CATSPER3: variants seen among roughly 807,000 people sequenced by gnomAD.
CATSPER3 encodes the protein cation channel sperm-associated protein 3.
A neutral mutation model predicts 36.6 loss-of-function variants in CATSPER3; 23 were observed. That is an observed-to-expected ratio of 0.63 (90% CI 0.45 to 0.89). The LOEUF (loss-of-function observed/expected upper bound fraction) is 0.89. Ranked by LOEUF, CATSPER3 falls within the 40% of genes least tolerant of loss-of-function variation. The probability of loss-of-function intolerance (pLI) is 0.00; values close to 1 mark genes in which losing one functional copy is unlikely to be tolerated. For missense variants in CATSPER3, 474 were observed against 503.9 expected (o/e 0.94, Z 0.57); for synonymous variants, 172 against 184.1 (o/e 0.93, Z 0.53).
At chr5:134,984,515 A>G (rs565515503) in intron 2 of CATSPER3, among the ~76,000 whole-genome samples, 20 of 152,324 alleles carry the variant, frequency 1.3e-4, no homozygotes, top group African/African-American at 4.3e-4. Flanking sequence ...CATTTGAAAA[A>G]ATGCTCCATA....
intron 2 of CATSPER3, among the ~76,000 whole-genome samples, chr5:134,988,881 C>G (rs1751846598): frequency 1.3e-5 from 2 of 152,032 alleles, no homozygotes; most frequent in Admixed American, 1.3e-4. Context: ...TTACTTTACC[C>G]AGACCCATCC....
At chr5:134,978,526 TG>T (rs1446928961) in intron 2 of CATSPER3, among the ~76,000 whole-genome samples, 2 of 152,156 alleles carry the variant, frequency 1.3e-5, no homozygotes, top group African/African-American at 4.8e-5. Flanking sequence ...ATGAGAAACT[TG>T]ATGCCTTCCT....
intron 2 of CATSPER3, among the ~76,000 whole-genome samples, chr5:134,985,860 C>T (rs1235515277): frequency 6.6e-6 from 1 of 151,834 alleles, no homozygotes; most frequent in African/African-American, 2.4e-5. Context: ...GACTGTGTCA[C>T]TGCACTCCAG....
intron 2 of CATSPER3, among the ~76,000 whole-genome samples, chr5:134,985,488 A>T (rs748665719): frequency 6.6e-6 from 1 of 152,136 alleles, no homozygotes; most frequent in Non-Finnish European, 1.5e-5. Context: ...ATTGGGTTCA[A>T]TGCACACCTA....
chr5:135,011,422 C>A, intron 7 of CATSPER3, 99 bp from the exon 8 acceptor site: 1 of 823,396 alleles, frequency 1.2e-6, no homozygotes, highest in Non-Finnish European at 2.1e-6. Context: ...TTCTTTGACC[C>A]TACACCTGTG....
chr5:135,011,405 C>A lies in CATSPER3; in HGVS notation c.1095-116C>A, dbSNP rs797018287. The A allele has an allele frequency of 5.4e-5, 42 of 776,680 alleles. No individual in the cohort carries two copies. In the African/African-American group the frequency reaches 6.5e-4, roughly 12 times the overall value. The allele number at this position is 776,680 out of a possible 1,614,324, so 48.1% of individuals were successfully genotyped here. A position where few individuals can be genotyped will look rare whatever the true frequency, so the allele number is the denominator to read the frequency against. ...CCCAGCCTCATCTGGCTCTGAAGTC[C>A]TTGCTCTTCTTTGACCCTACACCTG... On this transcript the variant is annotated intron_variant, in intron 7 of 7. Coordinates refer to ENST00000282611, the MANE Select transcript of CATSPER3 (RefSeq NM_178019.3).
chr5:135,003,347 G>T (rs1383882195), intron 3 of CATSPER3, among the ~76,000 whole-genome samples: 1 of 152,216 alleles, frequency 6.6e-6, no homozygotes, highest in Admixed American at 6.5e-5. Context: ...GCCATGTGAG[G>T]TGTCAGTCTG....
At chr5:135,006,589 C>G (rs1250640750) in intron 3 of CATSPER3, among the ~76,000 whole-genome samples, 2 of 152,198 alleles carry the variant, frequency 1.3e-5, no homozygotes, top group East Asian at 3.9e-4. Flanking sequence ...GTAATCCCAG[C>G]ACTTTGGGAG....
At chr5:135,009,973 G>A (rs1752158424) in intron 6 of CATSPER3, among the ~76,000 whole-genome samples, 1 of 152,212 alleles carries the variant, frequency 6.6e-6, no homozygotes, top group South Asian at 2.1e-4. Flanking sequence ...AGGGACCCGG[G>A]TGAATTTTCC....
chr5:134,997,447 C>G (rs1751964183), intron 3 of CATSPER3, among the ~76,000 whole-genome samples: 1 of 152,206 alleles, frequency 6.6e-6, no homozygotes, highest in Non-Finnish European at 1.5e-5. Flanking sequence ...GGCGAACCTT[C>G]TGGGGAAAGG....
At chr5:135,005,786 G>A (rs183341468) in intron 3 of CATSPER3, among the ~76,000 whole-genome samples, 6 of 123,006 alleles carry the variant, frequency 4.9e-5, no homozygotes, top group East Asian at 1.9e-4. Context: ...CATTTCAGCC[G>A]GAAGCAACCT....
intron 2 of CATSPER3, among the ~76,000 whole-genome samples, chr5:134,977,995 G>GAATGGTGCTAAACCATTCAT (rs1299690384): frequency 1.3e-5 from 2 of 152,110 alleles, no homozygotes; most frequent in East Asian, 1.9e-4. Flanking sequence ...ATCACCAATG[G>GAATGGTGCTAAACCATTCAT]AATGGTGCTA....
At position 135,006,849 on chromosome 5, in the gene CATSPER3, AAT is replaced by A. The variant is rs202201647; in HGVS notation, c.493-1106_493-1105del. 3.2e-3 allele frequency among the ~76,000 whole-genome samples: 452 copies of A among 140,654 alleles called. 6 individuals are homozygous for A. Among genetic ancestry groups the A allele is most frequent in the East Asian group, 0.011 (53 of 4,878 alleles). The allele number at this position is 140,654 out of a possible 152,430, so 92.3% of individuals were successfully genotyped here. On this transcript the variant is annotated intron_variant, in intron 3 of 7. Coordinates refer to ENST00000282611, the MANE Select transcript of CATSPER3 (RefSeq NM_178019.3). The stretch of plus-strand genomic sequence containing the variant: ...CGACTCCGTCTCGAAAAAAAAAAAA[AAT>A]AATAATAATAATAATAATAAAATCT...
At position 135,006,611 on chromosome 5, in the gene CATSPER3, T is replaced by C. The variant is rs774506033; in HGVS notation, c.493-1346T>C. Reference sequence around the variant, plus strand: ...CAGCACTTTGGGAGGCCAAGGTGGGTGGATCACGAGGTCGGGAGATCGAGA... The same window carrying C: ...CAGCACTTTGGGAGGCCAAGGTGGGCGGATCACGAGGTCGGGAGATCGAGA... On this transcript the variant is annotated intron_variant, in intron 3 of 7. Transcript: ENST00000282611. Among the ~76,000 whole-genome samples the C allele has an allele frequency of 1.4e-4, 21 of 151,756 alleles. 1 individual carries two copies. Among genetic ancestry groups the C allele is most frequent in the Admixed American group, 1.2e-3 (18 of 15,244 alleles).
intron 2 of CATSPER3, among the ~76,000 whole-genome samples, chr5:134,989,546 A>C (rs533829649): frequency 6.6e-6 from 1 of 152,302 alleles, no homozygotes; most frequent in East Asian, 1.9e-4. Flanking sequence ...ATTTTCTCAA[A>C]CCTCAAGAAC....
intron 2 of CATSPER3, among the ~76,000 whole-genome samples, chr5:134,983,949 C>T (rs1751778293): frequency 6.6e-6 from 1 of 152,156 alleles, no homozygotes; most frequent in South Asian, 2.1e-4. Context: ...TGCATAGATG[C>T]AGTGGAAAAG....
intron 2 of CATSPER3, among the ~76,000 whole-genome samples, chr5:134,992,210 A>G (rs1347645319): frequency 6.6e-6 from 1 of 152,224 alleles, no homozygotes; most frequent in Non-Finnish European, 1.5e-5. Flanking sequence ...TATCTAGAAT[A>G]TATAAAGAAC....
In CATSPER3 at chr5:134,988,749, C is replaced by T. The variant is rs549613457; in HGVS notation, c.253-7524C>T. ...GTCTTGAACCCCTCAAAGTCATCCA[C>T]GAGGGTTGGAATCAACCTCTTCCAA... On this transcript the variant is annotated intron_variant, in intron 2 of 7. Coordinates refer to ENST00000282611, the MANE Select transcript of CATSPER3 (RefSeq NM_178019.3). 6.6e-5 allele frequency among the ~76,000 whole-genome samples: 10 copies of T among 152,200 alleles called. No homozygotes were observed. In the East Asian group the frequency reaches 7.7e-4, roughly 12 times the overall value.
rs77206505 is a variant in CATSPER3, at chr5:135,010,381, T to C, written c.945T>C (p.Ala315=). The change falls in exon 7 of 8, where the codon GCT becomes GCC. Residue 315 remains alanine (A), a synonymous_variant. Transcript: ENST00000282611. ...ISRLMHIQKN[A]DCTSFSELVE... ...TATGCTTTCCTCTCTAGAAAAATGC[T>C]GACTGCACAAGTTTCAGTGAGCTGG... The C allele has an allele frequency of 5.0e-6, 8 of 1,614,094 alleles. No homozygotes were observed. The East Asian group carries it at 1.8e-4, about 36-fold the overall frequency.
Sources: allele counts gnomAD v4.1 joint callset (sites outside exome capture counted in the v4.1 genomes callset), GRCh38; gene constraint gnomAD v4.1.1; transcripts MANE v1.5; gene names NCBI Gene and HGNC (gene_info 2026-07-23, HGNC 2026-07-21).